Variants in TPST2 observed in about 807,000 individuals in gnomAD.
The protein encoded by TPST2 is tyrosylprotein sulfotransferase 2, also known as protein-tyrosine sulfotransferase 2.
In TPST2, 16 loss-of-function variants were observed where a neutral mutation model predicts 27.8. The observed-to-expected ratio is 0.58, with a 90% CI of 0.39 to 0.88. TPST2 has a LOEUF of 0.88. TPST2 is among the 40% of genes least tolerant of loss of function. The pLI, the probability that TPST2 is intolerant of heterozygous loss-of-function variation, is 0.00. For missense variants in TPST2, 464 were observed against 543.1 expected, an observed-to-expected ratio of 0.85 and a Z score of 1.45; for synonymous variants, 229 against 231.7, an observed-to-expected ratio of 0.99 and a Z score of 0.10.
chr22:26,525,816 T>C lies in TPST2; in HGVS notation c.*459A>G, dbSNP rs1423330051. The C allele has an allele frequency of 6.6e-6, 1 of 152,554 alleles. No individual in the cohort carries two copies. The highest frequency in any genetic ancestry group is 1.5e-5 in the Non-Finnish European group (1 of 68,036). 9.5% of individuals were successfully genotyped at this position (152,554 alleles called of 1,614,324 possible). A position where few individuals can be genotyped will look rare whatever the true frequency, so the allele number is the denominator to read the frequency against. On this transcript the variant is annotated 3_prime_UTR_variant, in exon 7 of 7. Transcript: ENST00000338754. ...ATTCAAAGAGTATTTTTTTCCTCTG[T>C]GAAACTAGGTAGAACTGAGGAGGAA...
At chr22:26,552,597 G>A (rs1386420819) in intron 1 of TPST2, among the ~76,000 whole-genome samples, 1 of 152,142 alleles carries the variant, frequency 6.6e-6, no homozygotes, top group Non-Finnish European at 1.5e-5. Context: ...TTTTGGCTCT[G>A]TGGGCCACAA....
chr22:26,532,598 C>T (rs895706206), intron 5 of TPST2, 97 bp downstream of exon 5: 1 of 1,319,726 alleles, frequency 7.6e-7, no homozygotes, highest in Non-Finnish European at 1.1e-6. Flanking sequence ...GGAAAACCAT[C>T]AACCAGAGTG....
chr22:26,573,021 G>GA (rs1296560261), intron 1 of TPST2, among the ~76,000 whole-genome samples: 1 of 152,118 alleles, frequency 6.6e-6, no homozygotes, highest in African/African-American at 2.4e-5. Flanking sequence ...TCTCATCTGT[G>GA]AATCGGGAGA....
At chr22:26,580,383 T>A (rs1297142562) in intron 1 of TPST2, among the ~76,000 whole-genome samples, 2 of 152,152 alleles carry the variant, frequency 1.3e-5, no homozygotes, top group African/African-American at 2.4e-5. Flanking sequence ...TACACAGCCA[T>A]CCCGCCCTTC....
chr22:26,540,833 G>A lies in TPST2; in HGVS notation c.798C>T (p.His266=). 6.2e-7 allele frequency: 1 copy of A among 1,612,352 alleles called. No homozygotes were observed. The highest frequency in any genetic ancestry group is 8.5e-7 in the Non-Finnish European group (1 of 1,179,094). The stretch of plus-strand genomic sequence containing the variant: ...CGGGCTTGCCAATGAGGTCTTCATG[G>A]TGGAGGACAGCGTCGCTCCAGGCGA... ...LGIAWSDAVL[H]HEDLIGKPGG... is the part of the protein sequence containing the mutation. Residue 266 remains histidine, a synonymous_variant, in exon 3 of 7, where the codon CAC becomes CAT. Coordinates refer to ENST00000338754, the MANE Select transcript of TPST2 (RefSeq NM_003595.5).
At chr22:26,527,321 ACT>A (rs1248767092) in intron 6 of TPST2, among the ~76,000 whole-genome samples, 2 of 152,110 alleles carry the variant, frequency 1.3e-5, no homozygotes, top group African/African-American at 4.8e-5. Context: ...AAGTGAGCTC[ACT>A]CATGCAGCCT....
intron 1 of TPST2, among the ~76,000 whole-genome samples, chr22:26,588,895 T>C (rs1928444585): frequency 6.6e-6 from 1 of 152,162 alleles, no homozygotes; most frequent in South Asian, 2.1e-4. Context: ...CAGCCCAGTC[T>C]GGCAGACAGA....
At position 26,525,100 on chromosome 22, in the gene TPST2, G is replaced by C. The variant is rs1924756767; in HGVS notation, c.*1175C>G. On this transcript the variant is annotated 3_prime_UTR_variant, in exon 7 of 7. Coordinates refer to ENST00000338754, the MANE Select transcript of TPST2 (RefSeq NM_003595.5). Reference sequence around the variant, plus strand: ...CAAGGCTAGGGTGAGCTTTCTGGCTGGTAATATTTAGTACGTGTTGTCACA... The same window carrying C: ...CAAGGCTAGGGTGAGCTTTCTGGCTCGTAATATTTAGTACGTGTTGTCACA... 1 of 152,180 alleles carries C rather than the reference G, an allele frequency of 6.6e-6. No homozygotes were observed. The highest frequency in any genetic ancestry group is 2.4e-5 in the African/African-American group (1 of 41,438). 9.4% of individuals were successfully genotyped at this position (152,180 alleles called of 1,614,324 possible).
At chr22:26,587,248 G>T (rs531651384) in intron 1 of TPST2, among the ~76,000 whole-genome samples, 1 of 152,156 alleles carries the variant, frequency 6.6e-6, no homozygotes, top group African/African-American at 2.4e-5. Context: ...GGGAAGATCC[G>T]AGCAGCTTCC....
In TPST2 at chr22:26,524,997, G is replaced by A. The variant is rs182323002; in HGVS notation, c.*1278C>T. ...CCATGCTGTATCATTTTGACCTCTG[G>A]AGCAGCTGGTGATTAAGTAACTAAA... On this transcript the variant is annotated 3_prime_UTR_variant, in exon 7 of 7. Transcript: ENST00000338754. The A allele has an allele frequency of 6.6e-6, 1 of 152,290 alleles. No homozygotes were observed. Among genetic ancestry groups the A allele is most frequent in the Non-Finnish European group, 1.5e-5 (1 of 68,030 alleles). The allele number at this position is 152,290 out of a possible 1,614,324, so 9.4% of individuals were successfully genotyped here.
At chr22:26,534,818 A>AT (rs1333889690) in intron 4 of TPST2, among the ~76,000 whole-genome samples, 1 of 152,202 alleles carries the variant, frequency 6.6e-6, no homozygotes, top group Non-Finnish European at 1.5e-5. Flanking sequence ...TGTAAAACAC[A>AT]TAAGTAGGGT....
At chr22:26,576,386 A>C (rs755075985) in intron 1 of TPST2, among the ~76,000 whole-genome samples, 6 of 152,152 alleles carry the variant, frequency 3.9e-5, no homozygotes, top group Non-Finnish European at 7.3e-5. Context: ...TTGACACCCA[A>C]GTAACAGGAT....
Position 26,544,641 on chromosome 22 carries a change from G to C in TPST2, c.-126C>G. 2 of 985,998 alleles carry C rather than the reference G, an allele frequency of 2.0e-6. No homozygotes were observed. Among genetic ancestry groups the C allele is most frequent in the Non-Finnish European group, 2.4e-6 (2 of 830,034 alleles). 61.1% of individuals were successfully genotyped at this position (985,998 alleles called of 1,614,324 possible). On this transcript the variant is annotated 5_prime_UTR_variant, in exon 2 of 7. Transcript: ENST00000338754. ...CTCTCATCTCTGGGCTCCAGCCCTT[G>C]TGCCTGTGTGCCAAGGCTGTCTGCT...
chr22:26,571,152 A>C (rs1021681267), intron 1 of TPST2, among the ~76,000 whole-genome samples: 13 of 151,008 alleles, frequency 8.6e-5, no homozygotes, highest in African/African-American at 2.7e-4. Context: ...CCCACCCCTT[A>C]CCTTTCTGCC....
intron 1 of TPST2, among the ~76,000 whole-genome samples, chr22:26,568,429 AG>A (rs1171893371): frequency 6.6e-6 from 1 of 152,232 alleles, no homozygotes; most frequent in African/African-American, 2.4e-5. Flanking sequence ...TCACAGAGAC[AG>A]GAAGTCAGCA....
chr22:26,577,232 T>G (rs1343383112), intron 1 of TPST2, among the ~76,000 whole-genome samples: 1 of 139,770 alleles, frequency 7.2e-6, no homozygotes, highest in Non-Finnish European at 1.5e-5. Context: ...GCCACCGCAA[T>G]CCAGCCTGGG....
chr22:26,551,646 G>C (rs563648391), intron 1 of TPST2, among the ~76,000 whole-genome samples: 2 of 152,190 alleles, frequency 1.3e-5, no homozygotes, highest in Middle Eastern at 3.4e-3. Context: ...CACTCTGTTA[G>C]GGACTAGCCA....
At chr22:26,575,390 T>C (rs1602300644) in intron 1 of TPST2, among the ~76,000 whole-genome samples, 1 of 152,168 alleles carries the variant, frequency 6.6e-6, no homozygotes, top group Non-Finnish European at 1.5e-5. Context: ...GCAATAACAG[T>C]AATCATCACA....
At chr22:26,575,950 C>T (rs1352196932) in intron 1 of TPST2, among the ~76,000 whole-genome samples, 3 of 151,896 alleles carry the variant, frequency 2.0e-5, no homozygotes, top group Non-Finnish European at 2.9e-5. Context: ...GAGCCGAGAT[C>T]GTGCCACCGC....
Sources: allele counts gnomAD v4.1 joint callset (sites outside exome capture counted in the v4.1 genomes callset), GRCh38; gene constraint gnomAD v4.1.1; transcripts MANE v1.5; gene names NCBI Gene and HGNC (gene_info 2026-07-23, HGNC 2026-07-21).